Variants in DNAJC10 observed in about 807,000 individuals in gnomAD.
DNAJC10 encodes the protein DnaJ heat shock protein family (Hsp40) member C10.
Under a neutral mutation model 115.0 loss-of-function variants are expected in DNAJC10, and 101 were observed. The ratio of observed to expected loss-of-function variants is 0.88; its 90% CI spans 0.75 to 1.04. DNAJC10 has a LOEUF of 1.04. DNAJC10 is among the 50% of genes least tolerant of loss of function. The pLI, the probability that DNAJC10 is intolerant of heterozygous loss-of-function variation, is 0.00. For synonymous variants in DNAJC10, 307 were observed against 301.5 expected (o/e 1.02, Z -0.19); for missense variants, 981 against 928.8 (o/e 1.06, Z -0.73).
At chr2:182,745,037 A>G (rs188910115) in intron 14 of DNAJC10, among the ~76,000 whole-genome samples, 184 of 152,202 alleles carry the variant, frequency 1.2e-3, no homozygotes, top group African/African-American at 3.9e-3. Context: ...CTTAAAATCA[A>G]TTCCTTGTTG....
chr2:182,745,839 T>G (rs889152884), intron 14 of DNAJC10, among the ~76,000 whole-genome samples: 1 of 152,114 alleles, frequency 6.6e-6, no homozygotes, highest in African/African-American at 2.4e-5. Flanking sequence ...CTGCACCCAC[T>G]AACTCGTCAT....
At chr2:182,775,565 T>C in intron 23 of DNAJC10, 145 bp downstream of exon 23, 1 of 567,390 alleles carries the variant, frequency 1.8e-6, no homozygotes, top group Non-Finnish European at 3.2e-6. Flanking sequence ...CTTTGGGAAA[T>C]AGGACAATCA....
At position 182,793,879 on chromosome 2, in the gene DNAJC10, A is replaced by G. The variant is rs1174804610; in HGVS notation, c.*16747A>G. 6.7e-6 allele frequency: 1 copy of G among 149,468 alleles called. No individual in the cohort carries two copies. Among genetic ancestry groups the G allele is most frequent in the African/African-American group, 2.5e-5 (1 of 39,724 alleles). The allele number at this position is 149,468 out of a possible 1,614,324, so 9.3% of individuals were successfully genotyped here. A position where few individuals can be genotyped will look rare whatever the true frequency, so the allele number is the denominator to read the frequency against. ...ACACACACACACTACCTACAAAAAA[A>G]TAACAATTAGAAAGTAATTGGAGCT... On this transcript the variant is annotated 3_prime_UTR_variant, in exon 24 of 24. Transcript: ENST00000264065.
At chr2:182,731,233 AT>A in intron 9 of DNAJC10, 126 bp downstream of exon 9, 1 of 601,784 alleles carries the variant, frequency 1.7e-6, no homozygotes, top group Non-Finnish European at 2.8e-6. Context: ...CAGGATTACA[AT>A]TTTTTTACTT....
chr2:182,760,730 AAGTC>A (rs1694266703), intron 21 of DNAJC10, among the ~76,000 whole-genome samples: 1 of 152,142 alleles, frequency 6.6e-6, no homozygotes, highest in Non-Finnish European at 1.5e-5. Flanking sequence ...TGGAATGAGA[AAGTC>A]AGCTCCAGTT....
At chr2:182,773,587 A>G (rs13399663) in intron 22 of DNAJC10, among the ~76,000 whole-genome samples, 23,551 of 152,074 alleles carry the variant, frequency 0.15, 4,472 homozygotes, top group African/African-American at 0.46. Flanking sequence ...TTGATCTTCA[A>G]TCACTGATAC....
At chr2:182,747,277 G>T (rs1318309499) in intron 14 of DNAJC10, among the ~76,000 whole-genome samples, 1 of 152,026 alleles carries the variant, frequency 6.6e-6, no homozygotes, top group Admixed American at 6.6e-5. Flanking sequence ...GAAAGGCATT[G>T]GTAGCTTGAT....
chr2:182,722,676 C>T (rs185895414), intron 5 of DNAJC10, among the ~76,000 whole-genome samples: 272 of 152,244 alleles, frequency 1.8e-3, no homozygotes, highest in Non-Finnish European at 2.9e-3. Flanking sequence ...CGGTGGCTCA[C>T]ACCTGTATAA....
intron 9 of DNAJC10, among the ~76,000 whole-genome samples, 197 bp downstream of exon 9, chr2:182,731,304 A>G (rs946372770): frequency 2.0e-5 from 3 of 151,976 alleles, no homozygotes; most frequent in Non-Finnish European, 4.4e-5. Context: ...TTTTTAATGT[A>G]TCCTCTATGT....
chr2:182,753,200 G>T (rs1219962847), intron 16 of DNAJC10, among the ~76,000 whole-genome samples: 3 of 152,102 alleles, frequency 2.0e-5, no homozygotes, highest in African/African-American at 7.2e-5. Context: ...AGTAAAAGTA[G>T]CCATGAGTCA....
At chr2:182,769,376 T>C (rs561063155) in intron 22 of DNAJC10, among the ~76,000 whole-genome samples, 1 of 152,316 alleles carries the variant, frequency 6.6e-6, no homozygotes, top group South Asian at 2.1e-4. Context: ...GTAATTCTAA[T>C]TCTAGATCCT....
chr2:182,730,596 A>G (rs779144864), intron 8 of DNAJC10: 5 of 449,662 alleles, frequency 1.1e-5, no homozygotes, highest in East Asian at 7.0e-5. Context: ...GAGTTAGAAA[A>G]TACTTCTTGA....
At chr2:182,774,972 A>G (rs898412180) in intron 22 of DNAJC10, among the ~76,000 whole-genome samples, 6 of 151,912 alleles carry the variant, frequency 3.9e-5, no homozygotes, top group African/African-American at 1.5e-4. Context: ...GACTGGAGCT[A>G]TTCCTACTCA....
intron 7 of DNAJC10, 34 bp from the exon 8 acceptor site, chr2:182,729,814 T>C: frequency 7.1e-7 from 1 of 1,399,302 alleles, no homozygotes; most frequent in Non-Finnish European, 9.9e-7. Context: ...AAAGAAAAAG[T>C]AAAAGATGTT....
intron 21 of DNAJC10, among the ~76,000 whole-genome samples, chr2:182,760,562 A>G (rs933134722): frequency 2.0e-5 from 3 of 152,208 alleles, no homozygotes; most frequent in African/African-American, 4.8e-5. Context: ...AAATGCTTAT[A>G]TAAAATTAAA....
chr2:182,788,897 T>A lies in DNAJC10; in HGVS notation c.*11765T>A. On this transcript the variant is annotated 3_prime_UTR_variant, in exon 24 of 24. Coordinates refer to ENST00000264065, the MANE Select transcript of DNAJC10 (RefSeq NM_018981.4). ...CTTCTTTAAAACTCTTGATTCCTTT[T>A]AGAGTTTTTTAAATTGTGATAAAGT... 2.3e-6 allele frequency: 1 copy of A among 435,510 alleles called. No individual in the cohort carries two copies. Among genetic ancestry groups the A allele is most frequent in the South Asian group, 1.7e-5 (1 of 59,526 alleles). 27.0% of individuals were successfully genotyped at this position (435,510 alleles called of 1,614,324 possible).
chr2:182,743,754 T>C (rs1693796082), intron 14 of DNAJC10, 42 bp downstream of exon 14: 1 of 1,369,708 alleles, frequency 7.3e-7, no homozygotes, highest in Admixed American at 2.0e-5. Flanking sequence ...TTAGCTTCAT[T>C]TTCAAATAGA....
Position 182,728,676 on chromosome 2 carries a change from C to T in DNAJC10, c.501+18C>T. On this transcript the variant is annotated intron_variant, in intron 6 of 23. Transcript: ENST00000264065. ...CTCCCACAGTATGTATTTTTCACAT[C>T]CTCATTACTAGTTTTATTTCTAATT... The T allele has an allele frequency of 2.5e-6, 4 of 1,593,032 alleles. No individual in the cohort carries two copies. The highest frequency in any genetic ancestry group is 3.3e-4 in the Middle Eastern group (2 of 6,002).
rs551971367 is a variant in DNAJC10 at position 182,789,028 on chromosome 2, G to T, written c.*11896G>T. 7.5e-6 allele frequency: 2 copies of T among 266,310 alleles called. No homozygotes were observed. Among genetic ancestry groups the T allele is most frequent in the East Asian group, 1.2e-4 (1 of 8,692 alleles). 16.5% of individuals were successfully genotyped at this position (266,310 alleles called of 1,614,324 possible). ...CTCCGTGACTTTATCTTGCAAAACT[G>T]AAATTTTATATCCATAAAGCAAAAC... On this transcript the variant is annotated 3_prime_UTR_variant, in exon 24 of 24. Transcript: ENST00000264065.
Sources: gnomAD v4.1 joint callset for allele counts (sites outside exome capture counted in the v4.1 genomes callset) on GRCh38, gnomAD v4.1.1 for gene constraint, MANE v1.5 for transcripts, NCBI Gene and HGNC (gene_info 2026-07-23, HGNC 2026-07-21) for gene names.